TEAD1: variants seen among roughly 807,000 people sequenced by gnomAD.
TEAD1 encodes TEA domain transcription factor 1, also known as transcriptional enhancer factor TEF-1.
A neutral mutation model predicts 54.9 loss-of-function variants in TEAD1; 9 were observed. The ratio of observed to expected loss-of-function variants is 0.16; its 90% CI spans 0.10 to 0.29. TEAD1 has a LOEUF of 0.29. Among genes scored for constraint, TEAD1 ranks in the 10% least tolerant of loss-of-function variants. The pLI, the probability that TEAD1 is intolerant of heterozygous loss-of-function variation, is 1.00. For synonymous variants in TEAD1, 200 were observed against 187.8 expected, an observed-to-expected ratio of 1.07 and a Z score of -0.53; for missense variants, 387 against 535.9, an observed-to-expected ratio of 0.72 and a Z score of 2.74.
At chr11:12,789,738 T>C (rs1041109084) in intron 3 of TEAD1, among the ~76,000 whole-genome samples, 3 of 152,226 alleles carry the variant, frequency 2.0e-5, no homozygotes, top group African/African-American at 7.2e-5. Context: ...GCATGCAGCA[T>C]GTGGAAGCCC....
intron 5 of TEAD1, among the ~76,000 whole-genome samples, chr11:12,873,561 A>G (rs1307758509): frequency 6.6e-6 from 1 of 152,212 alleles, no homozygotes; most frequent in Non-Finnish European, 1.5e-5. Context: ...ATACAATAAA[A>G]TGAATTAATT....
chr11:12,744,776 G>C (rs142440579), intron 2 of TEAD1, among the ~76,000 whole-genome samples: 223 of 152,258 alleles, frequency 1.5e-3, no homozygotes, highest in African/African-American at 5.0e-3. Flanking sequence ...AGCACATTTG[G>C]AGGTTGTATT....
At chr11:12,804,251 A>G (rs746026844) in intron 3 of TEAD1, among the ~76,000 whole-genome samples, 4 of 152,216 alleles carry the variant, frequency 2.6e-5, no homozygotes, top group Non-Finnish European at 5.9e-5. Flanking sequence ...GAATGCATTC[A>G]GCAGACCATT....
At chr11:12,881,796 G>A (rs963478437) in intron 7 of TEAD1, 100 bp from the exon 8 acceptor site, 53 of 1,215,636 alleles carry the variant, frequency 4.4e-5, no homozygotes, top group Non-Finnish European at 6.1e-5. Flanking sequence ...GGACCACAGC[G>A]GTGAAGGACC....
At chr11:12,761,709 C>A (rs1015064023) in intron 2 of TEAD1, among the ~76,000 whole-genome samples, 2 of 152,126 alleles carry the variant, frequency 1.3e-5, no homozygotes, top group African/African-American at 4.8e-5. Context: ...TTCTGTCATA[C>A]CTAAATGGGT....
intron 2 of TEAD1, among the ~76,000 whole-genome samples, chr11:12,708,062 TC>T (rs1298718205): frequency 6.6e-6 from 1 of 152,048 alleles, no homozygotes; most frequent in African/African-American, 2.4e-5. Flanking sequence ...CTTTGGCAGT[TC>T]CCAAAGTCCC....
intron 2 of TEAD1, among the ~76,000 whole-genome samples, chr11:12,703,385 C>T (rs1943743873): frequency 6.6e-6 from 1 of 152,166 alleles, no homozygotes; most frequent in Non-Finnish European, 1.5e-5. Context: ...ATTATCATAA[C>T]ACTGGTTGGT....
At position 12,883,012 on chromosome 11, in the gene TEAD1, G is replaced by T. The variant is rs753760505; in HGVS notation, c.586G>T (p.Ala196Ser). Residue 196 changes from alanine (A) to serine (S), a missense_variant, in exon 9 of 13, where the codon GCA becomes TCA. Coordinates refer to ENST00000527636, the MANE Select transcript of TEAD1 (RefSeq NM_021961.6). ...GATTGCTCTTTCAGGGTTTGAGCCT[G>T]CATCGGCCCCAGCTCCCTCAGTCCC... The T allele has an allele frequency of 5.0e-6, 8 of 1,614,186 alleles. No homozygotes were observed. The highest frequency in any genetic ancestry group is 6.8e-6 in the Non-Finnish European group (8 of 1,180,034).
chr11:12,710,264 C>T (rs530500354), intron 2 of TEAD1, among the ~76,000 whole-genome samples: 20 of 152,204 alleles, frequency 1.3e-4, no homozygotes, highest in Non-Finnish European at 2.8e-4. Context: ...GTCAAGGCTG[C>T]AGTGAGCCGT....
chr11:12,695,562 T>A (rs1234138736), intron 2 of TEAD1, among the ~76,000 whole-genome samples: 1 of 152,166 alleles, frequency 6.6e-6, no homozygotes, highest in Admixed American at 6.5e-5. Flanking sequence ...TTAATTAAAA[T>A]CAATGTAAAT....
intron 2 of TEAD1, among the ~76,000 whole-genome samples, chr11:12,742,928 T>G (rs756460116): frequency 3.3e-5 from 5 of 152,206 alleles, no homozygotes; most frequent in Non-Finnish European, 5.9e-5. Context: ...TATATTCTTC[T>G]GTAATGGAGA....
chr11:12,758,153 A>G (rs1945022487), intron 2 of TEAD1, among the ~76,000 whole-genome samples: 1 of 152,042 alleles, frequency 6.6e-6, no homozygotes, highest in African/African-American at 2.4e-5. Flanking sequence ...TAAATGTTAC[A>G]TAGTCTCTGC....
At chr11:12,682,276 C>G (rs991710372) in intron 2 of TEAD1, among the ~76,000 whole-genome samples, 2 of 152,162 alleles carry the variant, frequency 1.3e-5, no homozygotes, top group Non-Finnish European at 2.9e-5. Context: ...TAAGCCTGCA[C>G]AAAACTAAGG....
At chr11:12,835,998 A>G (rs1195995474) in intron 3 of TEAD1, among the ~76,000 whole-genome samples, 1 of 152,226 alleles carries the variant, frequency 6.6e-6, no homozygotes, top group Admixed American at 6.5e-5. Context: ...TCTCGTCACA[A>G]AGAAATGATA....
intron 3 of TEAD1, among the ~76,000 whole-genome samples, chr11:12,784,560 C>G (rs1401524269): frequency 1.3e-5 from 2 of 152,184 alleles, no homozygotes; most frequent in East Asian, 3.8e-4. Flanking sequence ...CATATGAAAC[C>G]TTACAGATGC....
chr11:12,919,866 A>G (rs1248989151), intron 10 of TEAD1, among the ~76,000 whole-genome samples: 1 of 152,176 alleles, frequency 6.6e-6, no homozygotes, highest in Non-Finnish European at 1.5e-5. Context: ...ATATGCTTCA[A>G]ATTAGCAAGC....
At chr11:12,813,056 A>T (rs1946339117) in intron 3 of TEAD1, among the ~76,000 whole-genome samples, 1 of 152,180 alleles carries the variant, frequency 6.6e-6, no homozygotes, top group Non-Finnish European at 1.5e-5. Context: ...AACTTTTATC[A>T]GTGAGCAGAC....
chr11:12,777,323 G>T (rs1945448054), intron 3 of TEAD1, among the ~76,000 whole-genome samples: 2 of 152,090 alleles, frequency 1.3e-5, no homozygotes, highest in Non-Finnish European at 2.9e-5. Context: ...AATAAGCTGA[G>T]TTTTTTTGGC....
In TEAD1 at chr11:12,858,379, A is replaced by G. The variant is rs189651033; in HGVS notation, c.203-3871A>G. 1.0e-3 allele frequency among the ~76,000 whole-genome samples: 153 copies of G among 152,346 alleles called. 2 individuals carry two copies. Among genetic ancestry groups the G allele is most frequent in the African/African-American group, 3.5e-3 (145 of 41,584 alleles). On this transcript the variant is annotated intron_variant, in intron 3 of 12. Transcript: ENST00000527636. ...GGATTTATGTATATTTGATATTTCA[A>G]GTAATTAAAAGAAATAATTTGGCCT...
Sources: gnomAD v4.1 joint callset for allele counts (sites outside exome capture counted in the v4.1 genomes callset) on GRCh38, gnomAD v4.1.1 for gene constraint, MANE v1.5 for transcripts, NCBI Gene and HGNC (gene_info 2026-07-23, HGNC 2026-07-21) for gene names.